Variants in TRNP1 observed in about 807,000 individuals in gnomAD.
TRNP1 encodes the protein TMF-regulated nuclear protein 1.
A neutral mutation model predicts 12.2 loss-of-function variants in TRNP1; 16 were observed. The observed-to-expected ratio is 1.31, with a 90% CI of 0.89 to 1.99. TRNP1 has a LOEUF of 1.99. TRNP1 is among the 30% of genes most tolerant of loss of function. The pLI, the probability that TRNP1 is intolerant of heterozygous loss-of-function variation, is 0.00. For synonymous variants in TRNP1, 139 were observed against 166.2 expected, an observed-to-expected ratio of 0.84 and a Z score of 1.26; for missense variants, 338 against 330.4, an observed-to-expected ratio of 1.02 and a Z score of -0.18.
At chr1:26,999,745 T>G (rs984539230) in intron 1 of TRNP1, 102 bp from the exon 2 acceptor site, 1 of 152,212 alleles carries the variant, frequency 6.6e-6, no homozygotes, top group Non-Finnish European at 1.5e-5. Flanking sequence ...CTCTCCACAA[T>G]GCCCCCGCCC....
chr1:26,999,338 C>T (rs1202845138), intron 1 of TRNP1, among the ~76,000 whole-genome samples: 1 of 152,174 alleles, frequency 6.6e-6, no homozygotes, highest in African/African-American at 2.4e-5. Flanking sequence ...GAGCCGAAAT[C>T]GCGCCAGTGT....
rs2082564716 is a variant in TRNP1, at chr1:27,000,051, A to G, written c.*347A>G. The G allele has an allele frequency of 6.6e-6, 1 of 152,138 alleles. No individual in the cohort carries two copies. Among genetic ancestry groups the G allele is most frequent in the South Asian group, 2.1e-4 (1 of 4,824 alleles). 9.4% of individuals were successfully genotyped at this position (152,138 alleles called of 1,614,324 possible). A position where few individuals can be genotyped will look rare whatever the true frequency, so the allele number is the denominator to read the frequency against. ...CTCTGAATTTCTTCATATACCCCAC[A>G]TTTGACTTTGGCTTACACTGTACAA... On this transcript the variant is annotated 3_prime_UTR_variant, in exon 2 of 2. Coordinates refer to ENST00000522111, the MANE Select transcript of TRNP1 (RefSeq NM_001013642.3).
chr1:26,993,848 G>GGTCGCC lies in TRNP1; in HGVS notation c.64_69dup (p.Ser22_Pro23dup), dbSNP rs2082529707. 7.4e-7 allele frequency: 1 copy of GGTCGCC among 1,354,116 alleles called. No homozygotes were observed. Among genetic ancestry groups the GGTCGCC allele is most frequent in the Non-Finnish European group, 9.4e-7 (1 of 1,060,660 alleles). The allele number at this position is 1,354,116 out of a possible 1,614,324, so 83.9% of individuals were successfully genotyped here. On this transcript the variant is annotated inframe_insertion, in exon 1 of 2. Coordinates refer to ENST00000522111, the MANE Select transcript of TRNP1 (RefSeq NM_001013642.3). Reference sequence around the variant, plus strand: ...GCCCAGGAGGGGACGGCAGAGCAGAGGTCGCCGCCGCCGCCCTGGGATCCC... The same window carrying GGTCGCC: ...GCCCAGGAGGGGACGGCAGAGCAGAGGTCGCCGTCGCCGCCGCCGCCCTGGGATCCC...
intron 1 of TRNP1, among the ~76,000 whole-genome samples, chr1:26,999,227 T>TA (rs2082560583): frequency 6.6e-6 from 1 of 151,920 alleles, no homozygotes; most frequent in African/African-American, 2.4e-5. Context: ...CTACTAAACA[T>TA]ACAAAAATTA....
At position 26,994,217 on chromosome 1, in the gene TRNP1, G is replaced by T; in HGVS notation, c.431G>T (p.Arg144Leu). 2 of 1,276,426 alleles carry T rather than the reference G, an allele frequency of 1.6e-6. No homozygotes were observed. Among genetic ancestry groups the T allele is most frequent in the South Asian group, 4.4e-5 (2 of 45,082 alleles). The allele number at this position is 1,276,426 out of a possible 1,614,324, so 79.1% of individuals were successfully genotyped here. A position where few individuals can be genotyped will look rare whatever the true frequency, so the allele number is the denominator to read the frequency against. The change falls in exon 1 of 2, where the codon CGC becomes CTC. Residue 144 changes from arginine (R) to leucine (L), a missense_variant. Transcript: ENST00000522111. The surrounding 1 kb of genome is among the most constrained non-coding windows in gnomAD (Gnocchi z 6.9). ...FLAAELRLAH[R>L]AESLSRLSGG... Reference sequence around the variant, plus strand: ...GCGGCCGAGCTGCGCCTGGCGCACCGCGCGGAGAGCCTGAGCCGCCTGAGC... The same window carrying T: ...GCGGCCGAGCTGCGCCTGGCGCACCTCGCGGAGAGCCTGAGCCGCCTGAGC...
intron 1 of TRNP1, among the ~76,000 whole-genome samples, chr1:26,997,705 G>T (rs2082552118): frequency 6.6e-6 from 1 of 152,144 alleles, no homozygotes; most frequent in South Asian, 2.1e-4. Context: ...GGAAATGAGG[G>T]GGGAACAGGA....
intron 1 of TRNP1, among the ~76,000 whole-genome samples, chr1:26,999,406 G>A (rs1235549798): frequency 6.6e-6 from 1 of 152,132 alleles, no homozygotes; most frequent in Non-Finnish European, 1.5e-5. Flanking sequence ...GAAAACTTGA[G>A]TATTAAATGA....
Position 26,999,945 on chromosome 1 carries a change from C to G in TRNP1, c.*241C>G, listed in dbSNP as rs534640628. On this transcript the variant is annotated 3_prime_UTR_variant, in exon 2 of 2. Coordinates refer to ENST00000522111, the MANE Select transcript of TRNP1 (RefSeq NM_001013642.3). ...CTTCAGGAAGACGTTGAGAATTGAC[C>G]TTACACAATCCCAGCGCCCTCCTCA... is the stretch of plus-strand genomic sequence containing the variant. The G allele has an allele frequency of 3.3e-5, 5 of 152,188 alleles. No homozygotes were observed. The highest frequency in any genetic ancestry group is 5.9e-5 in the Non-Finnish European group (4 of 68,052). 9.4% of individuals were successfully genotyped at this position (152,188 alleles called of 1,614,324 possible). A position where few individuals can be genotyped will look rare whatever the true frequency, so the allele number is the denominator to read the frequency against.
In TRNP1 at chr1:26,996,044, C is replaced by T. The variant is rs534141371; in HGVS notation, c.*142+1432C>T. Among the ~76,000 whole-genome samples, 4 of 152,330 alleles carry T rather than the reference C, an allele frequency of 2.6e-5. No individual in the cohort carries two copies. The South Asian group carries it at 8.3e-4, about 32-fold the overall frequency. On this transcript the variant is annotated intron_variant, in intron 1 of 1. Coordinates refer to ENST00000522111, the MANE Select transcript of TRNP1 (RefSeq NM_001013642.3). ...GTGGAGAGGGGATTTCTCAAGGTCACATGCCAGTGAGGGAAGAATCAAGGT... is the reference window on the plus strand; with the variant it reads ...GTGGAGAGGGGATTTCTCAAGGTCATATGCCAGTGAGGGAAGAATCAAGGT...
chr1:26,994,312 G>T lies in TRNP1; in HGVS notation c.526G>T (p.Gly176Cys). The change falls in exon 1 of 2, where the codon GGC becomes TGC. Residue 176 changes from glycine to cysteine, a missense_variant. By Grantham distance (159) the Gly-to-Cys change is radical (BLOSUM62 -3). Transcript: ENST00000522111. The surrounding 1 kb of genome is among the most constrained non-coding windows in gnomAD (Gnocchi z 6.9). ...GSRLKKGPRRGRRGRPPALLA... is the reference protein window; with the variant it reads ...GSRLKKGPRRCRRGRPPALLA... ...GCGCCTCAAGAAGGGCCCGCGCCGC[G>T]GCCGCCGCGGCCGACCCCCCGCGCT... The T allele has an allele frequency of 8.9e-7, 1 of 1,122,684 alleles. No individual in the cohort carries two copies. Among genetic ancestry groups the T allele is most frequent in the South Asian group, 4.3e-5 (1 of 23,366 alleles). 69.5% of individuals were successfully genotyped at this position (1,122,684 alleles called of 1,614,324 possible).
Position 26,994,599 on chromosome 1 carries a change from T to A in TRNP1, c.*129T>A. ...AGGCAGTTGGGGGCCAGGGGCCCAG[T>A]AGAGGAGGCTGAGGTGCGGTCTTAG... On this transcript the variant is annotated 3_prime_UTR_variant, in exon 1 of 2. Coordinates refer to ENST00000522111, the MANE Select transcript of TRNP1 (RefSeq NM_001013642.3). The surrounding 1 kb of genome is among the most constrained non-coding windows in gnomAD (Gnocchi z 6.9). 1.5e-6 allele frequency: 1 copy of A among 680,466 alleles called. No individual in the cohort carries two copies. The allele number at this position is 680,466 out of a possible 1,614,324, so 42.2% of individuals were successfully genotyped here.
Position 26,994,294 on chromosome 1 carries a change from A to C in TRNP1, c.508A>C (p.Lys170Gln), listed in dbSNP as rs1363288268. The change falls in exon 1 of 2, where the codon AAG becomes CAG. Residue 170 changes from lysine to glutamine, a missense_variant. Transcript: ENST00000522111. The surrounding 1 kb of genome is among the most constrained non-coding windows in gnomAD (Gnocchi z 6.9). The stretch of plus-strand genomic sequence containing the variant: ...CCTGGCGGCTCACGGGTCGCGCCTC[A>C]AGAAGGGCCCGCGCCGCGGCCGCCG... The part of the protein sequence containing the change: ...LYLAAHGSRL[K>Q]KGPRRGRRGR... The C allele has an allele frequency of 8.6e-7, 1 of 1,158,816 alleles. No homozygotes were observed. The allele number at this position is 1,158,816 out of a possible 1,614,324, so 71.8% of individuals were successfully genotyped here.
rs1403806124 is a variant in TRNP1 at position 26,994,296 on chromosome 1, G to A, written c.510G>A (p.Lys170=). ...LYLAAHGSRL[K]KGPRRGRRGR... ...TGGCGGCTCACGGGTCGCGCCTCAA[G>A]AAGGGCCCGCGCCGCGGCCGCCGCG... Residue 170 remains lysine (K), a synonymous_variant, in exon 1 of 2, where the codon AAG becomes AAA. Coordinates refer to ENST00000522111, the MANE Select transcript of TRNP1 (RefSeq NM_001013642.3). This position sits in a 1 kb window ranked among gnomAD's most constrained non-coding sequence, Gnocchi z 6.9. The A allele has an allele frequency of 3.5e-6, 4 of 1,157,160 alleles. No homozygotes were observed. The highest frequency in any genetic ancestry group is 9.5e-5 in the Admixed American group (2 of 21,046). 71.7% of individuals were successfully genotyped at this position (1,157,160 alleles called of 1,614,324 possible). A position where few individuals can be genotyped will look rare whatever the true frequency, so the allele number is the denominator to read the frequency against.
chr1:26,994,689 T>G lies in TRNP1; in HGVS notation c.*142+77T>G. ...GCTGGTCCAGGGCCCGGGAACTCCC[T>G]TCCCTGGAGCTTCTGGCGTCTGCTG... On this transcript the variant is annotated intron_variant, in intron 1 of 1. Coordinates refer to ENST00000522111, the MANE Select transcript of TRNP1 (RefSeq NM_001013642.3). This position sits in a 1 kb window ranked among gnomAD's most constrained non-coding sequence, Gnocchi z 6.9. The G allele has an allele frequency of 4.7e-6, 1 of 212,080 alleles. No individual in the cohort carries two copies. Among genetic ancestry groups the G allele is most frequent in the Non-Finnish European group, 9.1e-6 (1 of 109,982 alleles). The allele number at this position is 212,080 out of a possible 1,614,324, so 13.1% of individuals were successfully genotyped here.
chr1:26,998,111 C>T (rs908191400), intron 1 of TRNP1, among the ~76,000 whole-genome samples: 14 of 151,906 alleles, frequency 9.2e-5, no homozygotes, highest in Non-Finnish European at 1.5e-4. Context: ...AGGCCGGGTG[C>T]GGTGGCTCAC....
In TRNP1 at chr1:26,993,725, G is replaced by C. The variant is rs1269857099; in HGVS notation, c.-62G>C. ...GGCTGTGGCCGTGTCTAGCTGTTCG[G>C]GTGTGCTGTGGTCATCCTCCCTGCG... On this transcript the variant is annotated 5_prime_UTR_variant, in exon 1 of 2. Coordinates refer to ENST00000522111, the MANE Select transcript of TRNP1 (RefSeq NM_001013642.3). The C allele has an allele frequency of 2.4e-6, 3 of 1,259,904 alleles. No homozygotes were observed. The highest frequency in any genetic ancestry group is 4.1e-5 in the Admixed American group (1 of 24,138). 78.0% of individuals were successfully genotyped at this position (1,259,904 alleles called of 1,614,324 possible).
rs773643370 is a variant in TRNP1 at position 26,993,762 on chromosome 1, G to T, written c.-25G>T. The T allele has an allele frequency of 7.8e-7, 1 of 1,288,392 alleles. No individual in the cohort carries two copies. Among genetic ancestry groups the T allele is most frequent in the Non-Finnish European group, 9.8e-7 (1 of 1,018,904 alleles). 79.8% of individuals were successfully genotyped at this position (1,288,392 alleles called of 1,614,324 possible). A position where few individuals can be genotyped will look rare whatever the true frequency, so the allele number is the denominator to read the frequency against. On this transcript the variant is annotated 5_prime_UTR_variant, in exon 1 of 2. Coordinates refer to ENST00000522111, the MANE Select transcript of TRNP1 (RefSeq NM_001013642.3). ...TCATCCTCCCTGCGCACCTACAGCCGCAGACCGCCGGTGGGGGGCGGGGGA... is the reference window on the plus strand; with the variant it reads ...TCATCCTCCCTGCGCACCTACAGCCTCAGACCGCCGGTGGGGGGCGGGGGA...
chr1:26,995,677 C>T (rs1418091325), intron 1 of TRNP1, among the ~76,000 whole-genome samples: 1 of 152,230 alleles, frequency 6.6e-6, no homozygotes, highest in Non-Finnish European at 1.5e-5. Flanking sequence ...GTTGCCCAGG[C>T]TGAAGTGCAA....
chr1:26,994,010 A>T lies in TRNP1; in HGVS notation c.224A>T (p.Gln75Leu). ...AEDQELQRWR[Q>L]GASGIAGLAG... ...GACCAGGAGCTGCAGCGCTGGCGCC[A>T]GGGCGCTAGCGGGATCGCGGGGCTC... The change falls in exon 1 of 2, where the codon CAG becomes CTG. Residue 75 changes from glutamine (Q) to leucine (L), a missense_variant. Physicochemically the swap from Gln to Leu is moderately radical, Grantham distance 113. Coordinates refer to ENST00000522111, the MANE Select transcript of TRNP1 (RefSeq NM_001013642.3). The surrounding 1 kb of genome is among the most constrained non-coding windows in gnomAD (Gnocchi z 6.9). 9 of 1,279,940 alleles carry T rather than the reference A, an allele frequency of 7.0e-6. No homozygotes were observed. Among genetic ancestry groups the T allele is most frequent in the Non-Finnish European group, 8.9e-6 (9 of 1,014,940 alleles). 79.3% of individuals were successfully genotyped at this position (1,279,940 alleles called of 1,614,324 possible).
Sources: gnomAD v4.1 joint callset for allele counts (sites outside exome capture counted in the v4.1 genomes callset) on GRCh38, gnomAD v4.1.1 for gene constraint, Gnocchi (gnomAD v3.1) non-coding constraint, MANE v1.5 for transcripts, NCBI Gene and HGNC (gene_info 2026-07-23, HGNC 2026-07-21) for gene names.